Variants in TRPM3 observed in about 807,000 individuals in gnomAD.
The protein encoded by TRPM3 is transient receptor potential cation channel subfamily M member 3, also known as long transient receptor potential channel 3.
In TRPM3, 77 loss-of-function variants were observed where a neutral mutation model predicts 181.2. That is an observed-to-expected ratio of 0.42 (90% confidence interval 0.35 to 0.51). TRPM3 has a LOEUF of 0.51. Among genes scored for constraint, TRPM3 ranks in the 20% least tolerant of loss-of-function variants. The pLI is 0.01. For synonymous variants in TRPM3, 745 were observed against 796.4 expected, an observed-to-expected ratio of 0.94 and a Z score of 1.09; for missense variants, 1,759 against 2,196.7, an observed-to-expected ratio of 0.80 and a Z score of 3.98.
At chr9:70,909,758 GA>G (rs764319236) in intron 1 of TRPM3, among the ~76,000 whole-genome samples, 1 of 152,134 alleles carries the variant, frequency 6.6e-6, no homozygotes, top group Non-Finnish European at 1.5e-5. Flanking sequence ...TTGTCATCAA[GA>G]AAATGAGAAT....
At chr9:70,822,091 T>C (rs2093220088) in intron 6 of TRPM3, among the ~76,000 whole-genome samples, 2 of 152,234 alleles carry the variant, frequency 1.3e-5, no homozygotes, top group Admixed American at 1.3e-4. Flanking sequence ...TATGTAGATA[T>C]AGAAGCTATG....
At chr9:71,114,274 T>G (rs749504564) in intron 1 of TRPM3, among the ~76,000 whole-genome samples, 2 of 152,076 alleles carry the variant, frequency 1.3e-5, no homozygotes, top group Non-Finnish European at 2.9e-5. Flanking sequence ...GAAGAACCAA[T>G]AGTTAGATCT....
intron 1 of TRPM3, among the ~76,000 whole-genome samples, chr9:71,271,590 A>G (rs1399632168): frequency 6.6e-6 from 1 of 151,950 alleles, no homozygotes; most frequent in East Asian, 1.9e-4. Flanking sequence ...AGAGGGGAGT[A>G]AGGGGCTCTC....
At chr9:71,420,989 G>GGGAGAGAAAA (rs2093756933) in intron 1 of TRPM3, among the ~76,000 whole-genome samples, 3 of 101,878 alleles carry the variant, frequency 2.9e-5, no homozygotes, top group African/African-American at 1.3e-4. Flanking sequence ...GAGAGAAAAA[G>GGGAGAGAAAA]AGAGAGAAAA....
At chr9:71,268,954 C>G (rs189113292) in intron 1 of TRPM3, among the ~76,000 whole-genome samples, 1 of 152,168 alleles carries the variant, frequency 6.6e-6, no homozygotes, top group Non-Finnish European at 1.5e-5. Flanking sequence ...TAGAGGCCAT[C>G]TCAGCCAGAG....
chr9:71,424,184 C>T (rs567808671), intron 1 of TRPM3, among the ~76,000 whole-genome samples: 2 of 152,090 alleles, frequency 1.3e-5, no homozygotes, highest in East Asian at 1.9e-4. Context: ...CCATTAAGAC[C>T]ATTTCTTCAC....
intron 1 of TRPM3, among the ~76,000 whole-genome samples, chr9:71,067,091 C>G (rs973365607): frequency 6.6e-6 from 1 of 152,132 alleles, no homozygotes; most frequent in Admixed American, 6.6e-5. Context: ...AGCACTCCAA[C>G]GATAGGCAAG....
intron 22 of TRPM3, among the ~76,000 whole-genome samples, chr9:70,586,786 G>A (rs553223464): frequency 3.3e-5 from 5 of 152,254 alleles, no homozygotes; most frequent in Admixed American, 6.5e-5. Flanking sequence ...AGTCATCTTC[G>A]TTCATGCTGC....
intron 1 of TRPM3, among the ~76,000 whole-genome samples, chr9:71,334,664 C>T (rs545878570): frequency 1.3e-5 from 2 of 152,092 alleles, no homozygotes; most frequent in Non-Finnish European, 2.9e-5. Context: ...AGCTATCCTA[C>T]TTCTTATTCA....
intron 22 of TRPM3, among the ~76,000 whole-genome samples, chr9:70,581,133 CA>C (rs1349052309): frequency 6.6e-6 from 1 of 152,138 alleles, no homozygotes; most frequent in Non-Finnish European, 1.5e-5. Flanking sequence ...CATATATGTC[CA>C]GTGTAAAATG....
At chr9:70,701,494 C>A (rs912683791) in intron 8 of TRPM3, among the ~76,000 whole-genome samples, 2 of 149,072 alleles carry the variant, frequency 1.3e-5, no homozygotes, top group Non-Finnish European at 3.0e-5. Flanking sequence ...ATGCCTGTGA[C>A]TGTGGGGAAT....
intron 1 of TRPM3, among the ~76,000 whole-genome samples, chr9:71,131,347 C>T (rs1565257501): frequency 6.6e-6 from 1 of 152,206 alleles, no homozygotes; most frequent in South Asian, 2.1e-4. Context: ...ACATTTATTG[C>T]AGCTCTTTGT....
chr9:71,020,276 G>A (rs1302788652), intron 1 of TRPM3, among the ~76,000 whole-genome samples: 4 of 151,932 alleles, frequency 2.6e-5, no homozygotes, highest in African/African-American at 9.7e-5. Context: ...AGATTAGCCT[G>A]GGCAAGAAAA....
At chr9:70,598,252 A>T (rs2059346973) in intron 21 of TRPM3, among the ~76,000 whole-genome samples, 167 bp downstream of exon 21, 1 of 152,206 alleles carries the variant, frequency 6.6e-6, no homozygotes, top group African/African-American at 2.4e-5. Context: ...TTGTATATAG[A>T]TGTAGTCAAA....
At chr9:71,272,803 G>T (rs920536824) in intron 1 of TRPM3, among the ~76,000 whole-genome samples, 4 of 151,556 alleles carry the variant, frequency 2.6e-5, no homozygotes, top group Non-Finnish European at 5.9e-5. Flanking sequence ...CATAATTCTA[G>T]TAAGGCAAAT....
At chr9:71,081,538 A>C (rs2064344487) in intron 1 of TRPM3, among the ~76,000 whole-genome samples, 1 of 152,194 alleles carries the variant, frequency 6.6e-6, no homozygotes, top group South Asian at 2.1e-4. Context: ...GACATAGAAC[A>C]GTCAGGAAAA....
At chr9:70,903,749 C>T (rs1195695199) in intron 1 of TRPM3, among the ~76,000 whole-genome samples, 1 of 151,912 alleles carries the variant, frequency 6.6e-6, no homozygotes, top group Non-Finnish European at 1.5e-5. Flanking sequence ...TTTAATTTAC[C>T]ATACTTTTAG....
intron 1 of TRPM3, among the ~76,000 whole-genome samples, chr9:71,267,016 C>T (rs990430): frequency 0.95 from 143,709 of 151,876 alleles, 68,373 homozygotes; most frequent in East Asian, 1. Context: ...TTCCACATGA[C>T]TCAAATTTAG....
intron 1 of TRPM3, among the ~76,000 whole-genome samples, chr9:70,915,983 T>C (rs984561446): frequency 2.0e-5 from 3 of 152,110 alleles, no homozygotes; most frequent in Non-Finnish European, 2.9e-5. Flanking sequence ...GAATGAATAC[T>C]AAAAGCAGCA....
Sources: allele counts gnomAD v4.1 joint callset (sites outside exome capture counted in the v4.1 genomes callset), GRCh38; gene constraint gnomAD v4.1.1; transcripts MANE v1.5; gene names NCBI Gene and HGNC (gene_info 2026-07-23, HGNC 2026-07-21).